Variants in TMEM232 observed in about 807,000 individuals in gnomAD.
The protein encoded by TMEM232 is transmembrane protein 232.
TMEM232 carries 80 observed loss-of-function variants against 78.8 expected under a neutral mutation model. That is an observed-to-expected ratio of 1.01 (90% CI 0.85 to 1.22). The LOEUF (loss-of-function observed/expected upper bound fraction) is 1.22. TMEM232 is among the 50% of genes most tolerant of loss of function. The pLI is 0.00. For missense variants in TMEM232, 881 were observed against 742.2 expected, an observed-to-expected ratio of 1.19 and a Z score of -2.17; for synonymous variants, 297 against 254.3, an observed-to-expected ratio of 1.17 and a Z score of -1.60.
intron 11 of TMEM232, among the ~76,000 whole-genome samples, chr5:110,534,589 C>T (rs1365317224): frequency 6.6e-6 from 1 of 152,166 alleles, no homozygotes; most frequent in Non-Finnish European, 1.5e-5. Flanking sequence ...TCTGTCTAGT[C>T]ATACTCCTAT....
At chr5:110,694,207 T>C (rs1023651007) in intron 1 of TMEM232, among the ~76,000 whole-genome samples, 18 of 152,082 alleles carry the variant, frequency 1.2e-4, no homozygotes, top group Admixed American at 5.9e-4. Flanking sequence ...CCAAACTAAG[T>C]TTCATAAGTG....
chr5:110,393,744 G>A (rs1755285454), intron 3 of TMEM232, among the ~76,000 whole-genome samples: 1 of 151,892 alleles, frequency 6.6e-6, no homozygotes, highest in Non-Finnish European at 1.5e-5. Context: ...ATCACCTGAG[G>A]TCAGGAGTTT....
Position 110,642,332 on chromosome 5 carries a change from G to A in TMEM232, c.165C>T (p.Phe55=). Residue 55 remains phenylalanine (F), a synonymous_variant, in exon 3 of 14, where the codon TTC becomes TTT. Coordinates refer to ENST00000455884, the MANE Select transcript of TMEM232 (RefSeq NM_001039763.4). ...FSITKEFILR[F]NQTQNSKEKE... ...TCTCTTTGGAATTTTGTGTTTGATT[G>A]AATCTCAAGATGAATTCTTTTGTGA... 7 of 1,536,396 alleles carry A rather than the reference G, an allele frequency of 4.6e-6. No individual in the cohort carries two copies.
intron 12 of TMEM232, among the ~76,000 whole-genome samples, chr5:110,463,140 G>A (rs11951005): frequency 0.019 from 2,936 of 152,116 alleles, 89 homozygotes; most frequent in African/African-American, 0.068. Flanking sequence ...TCATTGTGGC[G>A]ACTTTATTGT....
At chr5:110,552,507 G>T (rs1774594207) in intron 11 of TMEM232, among the ~76,000 whole-genome samples, 1 of 151,910 alleles carries the variant, frequency 6.6e-6, no homozygotes, top group Non-Finnish European at 1.5e-5. Flanking sequence ...CTTATATAAA[G>T]ACACAAAAAG....
At chr5:110,689,831 A>G (rs1241993766) in intron 1 of TMEM232, among the ~76,000 whole-genome samples, 1 of 152,168 alleles carries the variant, frequency 6.6e-6, no homozygotes, top group Non-Finnish European at 1.5e-5. Flanking sequence ...AAATAATGCC[A>G]CACATCTACA....
intron 11 of TMEM232, among the ~76,000 whole-genome samples, chr5:110,563,599 AGGCTGTAATTT>A (rs1561695755): frequency 2.6e-5 from 4 of 151,962 alleles, no homozygotes; most frequent in Non-Finnish European, 5.9e-5. Flanking sequence ...TTCAAAAATT[AGGCTGTAATTT>A]TTTTAAGGTC....
intron 12 of TMEM232, among the ~76,000 whole-genome samples, chr5:110,431,960 A>T (rs1267715673): frequency 6.6e-6 from 1 of 151,728 alleles, no homozygotes; most frequent in Non-Finnish European, 1.5e-5. Context: ...CAATAGTTCA[A>T]GGGATAAATT....
rs141990383 is a variant in TMEM232, at chr5:110,530,788, T to C, written c.1456-1953A>G. Among the ~76,000 whole-genome samples, 75 of 152,346 alleles carry C rather than the reference T, an allele frequency of 4.9e-4. 1 individual carries two copies. In the East Asian group the frequency reaches 0.014, roughly 29 times the overall value. ...GAAGAAATAAATTCAAGAGCTCTAA[T>C]GTACAACATGGTGACTGTAGTTAAT... On this transcript the variant is annotated intron_variant, in intron 11 of 13. Coordinates refer to ENST00000455884, the MANE Select transcript of TMEM232 (RefSeq NM_001039763.4).
intron 11 of TMEM232, among the ~76,000 whole-genome samples, chr5:110,565,436 T>C (rs186718746): frequency 1.3e-5 from 2 of 152,082 alleles, no homozygotes; most frequent in Admixed American, 1.3e-4. Flanking sequence ...ACCTTTGCTG[T>C]AGGTTCTGTG....
chr5:110,431,950 C>G (rs1757904304), intron 12 of TMEM232, among the ~76,000 whole-genome samples: 1 of 151,390 alleles, frequency 6.6e-6, no homozygotes, highest in Non-Finnish European at 1.5e-5. Flanking sequence ...AAATATTTAC[C>G]AATAGTTCAA....
intron 12 of TMEM232, among the ~76,000 whole-genome samples, chr5:110,487,835 T>C (rs928659197): frequency 6.6e-6 from 1 of 152,016 alleles, no homozygotes; most frequent in Non-Finnish European, 1.5e-5. Flanking sequence ...TTAGGGAGGG[T>C]TCCTTCTTTC....
chr5:110,721,175 G>T (rs1371958417), intron 1 of TMEM232, among the ~76,000 whole-genome samples: 1 of 152,040 alleles, frequency 6.6e-6, no homozygotes, highest in African/African-American at 2.4e-5. Flanking sequence ...ATAACCTCCT[G>T]AATGTAAAAA....
chr5:110,449,013 T>C (rs1759976846), intron 12 of TMEM232, among the ~76,000 whole-genome samples: 1 of 151,766 alleles, frequency 6.6e-6, no homozygotes. Context: ...TTAAAGCAAA[T>C]CAAAGTAATA....
intron 5 of TMEM232, chr5:110,387,631 A>G (rs1262472416): frequency 6.6e-6 from 1 of 152,206 alleles, no homozygotes; most frequent in Non-Finnish European, 1.5e-5. Context: ...AGAATAGATT[A>G]AATATTATTC....
chr5:110,668,765 T>C (rs1037759485), intron 1 of TMEM232, among the ~76,000 whole-genome samples: 1 of 152,006 alleles, frequency 6.6e-6, no homozygotes, highest in Non-Finnish European at 1.5e-5. Flanking sequence ...GAACAGAAAT[T>C]ATAACAAACT....
chr5:110,483,425 G>T (rs1162997907), intron 12 of TMEM232, among the ~76,000 whole-genome samples: 1 of 152,020 alleles, frequency 6.6e-6, no homozygotes, highest in African/African-American at 2.4e-5. Context: ...CACTGTTGGT[G>T]GGAATGTAAA....
chr5:110,559,109 C>T (rs890028167), intron 11 of TMEM232, among the ~76,000 whole-genome samples: 2 of 151,886 alleles, frequency 1.3e-5, no homozygotes, highest in African/African-American at 4.8e-5. Context: ...TGGTTCTTCC[C>T]CTTTTCGGAC....
chr5:110,490,941 A>G (rs1765021443), intron 12 of TMEM232, among the ~76,000 whole-genome samples: 1 of 152,150 alleles, frequency 6.6e-6, no homozygotes, highest in African/African-American at 2.4e-5. Context: ...TTACCTAGAT[A>G]CATCACCAAA....
Sources: gnomAD v4.1 joint callset for allele counts (sites outside exome capture counted in the v4.1 genomes callset) on GRCh38, gnomAD v4.1.1 for gene constraint, MANE v1.5 for transcripts, NCBI Gene and HGNC (gene_info 2026-07-23, HGNC 2026-07-21) for gene names.